The following ZNF483 variants were observed in gnomAD, a reference collection of about 807,000 sequenced individuals.
ZNF483 encodes zinc finger protein HIT-10.
Under a neutral mutation model 28.6 loss-of-function variants are expected in ZNF483, and 9 were observed. The ratio of observed to expected loss-of-function variants is 0.32; its 90% CI spans 0.19 to 0.55. ZNF483 has a LOEUF of 0.55. Among genes scored for constraint, ZNF483 ranks in the 20% least tolerant of loss-of-function variants. The pLI is 0.93. For missense variants in ZNF483, 675 were observed against 871.7 expected, an observed-to-expected ratio of 0.77 and a Z score of 2.84; for synonymous variants, 322 against 306.2, an observed-to-expected ratio of 1.05 and a Z score of -0.54.
intron 5 of ZNF483, among the ~76,000 whole-genome samples, chr9:111,540,397 T>C (rs910917531): frequency 1.3e-5 from 2 of 152,216 alleles, no homozygotes; most frequent in African/African-American, 4.8e-5. Flanking sequence ...TGTGACCTCA[T>C]GGTAAAAAGC....
At position 111,547,134 on chromosome 9, in the gene ZNF483, A is replaced by G. The variant is rs1186104518; in HGVS notation, c.*3964A>G. ...TGCACCATTTTGGCTATCAAGAATA[A>G]CATTGCTATAATCAGTGGTGCTTTC... On this transcript the variant is annotated 3_prime_UTR_variant, in exon 6 of 6. Transcript: ENST00000309235. Among the ~76,000 whole-genome samples the G allele has an allele frequency of 6.6e-6, 1 of 152,168 alleles. No homozygotes were observed. Among genetic ancestry groups the G allele is most frequent in the Non-Finnish European group, 1.5e-5 (1 of 67,998 alleles).
chr9:111,533,763 GC>G lies in ZNF483; in HGVS notation c.527del (p.Ala176ValfsTer2), dbSNP rs758393971. 6.3e-7 allele frequency: 1 copy of G among 1,586,826 alleles called. No individual in the cohort carries two copies. The highest frequency in any genetic ancestry group is 8.5e-7 in the Non-Finnish European group (1 of 1,172,292). On this transcript the variant is annotated frameshift_variant, in exon 4 of 6. Coordinates refer to ENST00000309235, the MANE Select transcript of ZNF483 (RefSeq NM_133464.5). LOFTEE classifies it high-confidence loss of function. The part of the protein sequence containing the change: ...SCESITLKDV[A>X]VNFSRGEWKK... ...GGAATCTATAACATTGAAGGATGTA[GC>G]TGTGAACTTTTCAAGAGGAGAGTGG...
intron 5 of ZNF483, among the ~76,000 whole-genome samples, chr9:111,541,398 T>TA (rs1334489775): frequency 1.4e-5 from 2 of 148,146 alleles, no homozygotes; most frequent in Non-Finnish European, 3.0e-5. Context: ...CTAAACCTCT[T>TA]AAAAAAATTC....
chr9:111,543,765 CTTT>C lies in ZNF483; in HGVS notation c.*603_*605del, dbSNP rs143231263. 4 of 752,074 alleles carry C rather than the reference CTTT, an allele frequency of 5.3e-6. No homozygotes were observed. In the South Asian group the frequency reaches 2.0e-4, roughly 38 times the overall value. 46.6% of individuals were successfully genotyped at this position (752,074 alleles called of 1,614,324 possible). On this transcript the variant is annotated 3_prime_UTR_variant, in exon 6 of 6. Coordinates refer to ENST00000309235, the MANE Select transcript of ZNF483 (RefSeq NM_133464.5). ...CTATTCAGGATGCTGGACTTCTTTT[CTTT>C]TTTTTTTCTTTTTTTTTTTTCAATT...
At position 111,544,232 on chromosome 9, in the gene ZNF483, A is replaced by C; in HGVS notation, c.*1062A>C. ...TCTGGATGGATTTTGGTTTGCAAAA[A>C]TTCTACTTTAAAACAATTTTGCCTG... On this transcript the variant is annotated 3_prime_UTR_variant, in exon 6 of 6. Transcript: ENST00000309235. 1 of 985,414 alleles carries C rather than the reference A, an allele frequency of 1.0e-6. No individual in the cohort carries two copies. Among genetic ancestry groups the C allele is most frequent in the Non-Finnish European group, 1.2e-6 (1 of 829,948 alleles). 61.0% of individuals were successfully genotyped at this position (985,414 alleles called of 1,614,324 possible). A position where few individuals can be genotyped will look rare whatever the true frequency, so the allele number is the denominator to read the frequency against.
At chr9:111,528,499 G>T (rs1303293131) in intron 2 of ZNF483, among the ~76,000 whole-genome samples, 1 of 152,122 alleles carries the variant, frequency 6.6e-6, no homozygotes, top group Non-Finnish European at 1.5e-5. Context: ...GTCTTCTAGG[G>T]TGAGTAGTCC....
At position 111,547,954 on chromosome 9, in the gene ZNF483, C is replaced by T. The variant is rs143770610; in HGVS notation, c.*4784C>T. Among the ~76,000 whole-genome samples the T allele has an allele frequency of 2.0e-5, 3 of 152,270 alleles. No individual in the cohort carries two copies. Among genetic ancestry groups the T allele is most frequent in the African/African-American group, 7.2e-5 (3 of 41,556 alleles). On this transcript the variant is annotated 3_prime_UTR_variant, in exon 6 of 6. Coordinates refer to ENST00000309235, the MANE Select transcript of ZNF483 (RefSeq NM_133464.5). The stretch of plus-strand genomic sequence containing the variant: ...TGACCATATACATGCATGTTTATTT[C>T]TGGCTGTCTGCTCTGTTTCTTTGGT...
At chr9:111,531,039 A>G in intron 3 of ZNF483, 76 bp downstream of exon 3, 1 of 667,790 alleles carries the variant, frequency 1.5e-6, no homozygotes. Flanking sequence ...AAAGATATAA[A>G]AATAAAAGGC....
At chr9:111,536,707 C>A (rs951625583) in intron 5 of ZNF483, among the ~76,000 whole-genome samples, 18 of 148,204 alleles carry the variant, frequency 1.2e-4, no homozygotes, top group South Asian at 4.4e-4. Flanking sequence ...CTGACCGCAC[C>A]CCCCCCGCCC....
downstream of ZNF483, among the ~76,000 whole-genome samples, chr9:111,558,720 A>T (rs2132301843): frequency 6.6e-6 from 1 of 152,236 alleles, no homozygotes; most frequent in South Asian, 2.1e-4. Flanking sequence ...ACACTCATTT[A>T]TATGTGTGTC....
chr9:111,567,302 C>T (rs1828606984), intron 5 of ZNF483, among the ~76,000 whole-genome samples: 2 of 152,152 alleles, frequency 1.3e-5, no homozygotes, highest in Non-Finnish European at 2.9e-5. Context: ...ATTCTCCTGC[C>T]TCAGCCTCCC....
In ZNF483 at chr9:111,552,376, G is replaced by C. The variant is rs1348247701; in HGVS notation, c.*9206G>C. 6.6e-6 allele frequency among the ~76,000 whole-genome samples: 1 copy of C among 151,976 alleles called. No homozygotes were observed. Among genetic ancestry groups the C allele is most frequent in the Non-Finnish European group, 1.5e-5 (1 of 67,994 alleles). On this transcript the variant is annotated 3_prime_UTR_variant, in exon 6 of 6. Coordinates refer to ENST00000309235, the MANE Select transcript of ZNF483 (RefSeq NM_133464.5). The stretch of plus-strand genomic sequence containing the variant: ...ATTATAACACATGTATCCGTGACTC[G>C]TTTCTTGGAGTCTGCTTCAGAAAAT...
At chr9:111,539,075 TG>T (rs1443161103) in intron 5 of ZNF483, among the ~76,000 whole-genome samples, 1 of 125,698 alleles carries the variant, frequency 8.0e-6, no homozygotes, top group African/African-American at 3.1e-5. Flanking sequence ...ATCACGCTAC[TG>T]CACTCCAGCC....
Position 111,554,752 on chromosome 9 carries a change from T to G in ZNF483, c.*11582T>G, listed in dbSNP as rs988866907. ...TATTTCTGGAATTTTCTATTTAAAA[T>G]TTTGGGGCCAAGATTGAGGGTAACT... is the stretch of plus-strand genomic sequence containing the variant. On this transcript the variant is annotated 3_prime_UTR_variant, in exon 6 of 6. Coordinates refer to ENST00000309235, the MANE Select transcript of ZNF483 (RefSeq NM_133464.5). 6.6e-6 allele frequency among the ~76,000 whole-genome samples: 1 copy of G among 152,180 alleles called. No homozygotes were observed. The highest frequency in any genetic ancestry group is 1.5e-5 in the Non-Finnish European group (1 of 68,032).
chr9:111,568,165 A>G (rs967299270), intron 5 of ZNF483, among the ~76,000 whole-genome samples: 3 of 152,230 alleles, frequency 2.0e-5, no homozygotes, highest in Non-Finnish European at 4.4e-5. Flanking sequence ...AAACACAGCC[A>G]TATTTTTCTT....
chr9:111,548,477 T>G lies in ZNF483; in HGVS notation c.*5307T>G, dbSNP rs80022462. Among the ~76,000 whole-genome samples the G allele has an allele frequency of 2.1e-3, 327 of 152,346 alleles. No individual in the cohort carries two copies. Among genetic ancestry groups the G allele is most frequent in the African/African-American group, 7.5e-3 (312 of 41,582 alleles). ...TTGATTTTGTATCTTGCAACTTTGCTGAATTTGTTTATTAGTCATAATAGT... is the reference window on the plus strand; with the variant it reads ...TTGATTTTGTATCTTGCAACTTTGCGGAATTTGTTTATTAGTCATAATAGT... On this transcript the variant is annotated 3_prime_UTR_variant, in exon 6 of 6. Transcript: ENST00000309235.
intron 5 of ZNF483, among the ~76,000 whole-genome samples, chr9:111,561,144 AGAGG>A (rs1828299015): frequency 9.7e-5 from 5 of 51,434 alleles, no homozygotes; most frequent in Non-Finnish European, 1.4e-4. Context: ...GAGAGGAGAG[AGAGG>A]GAGAGAGAGA....
chr9:111,536,702 C>T (rs537949434), intron 5 of ZNF483, among the ~76,000 whole-genome samples: 2 of 151,598 alleles, frequency 1.3e-5, no homozygotes, highest in Admixed American at 6.6e-5. Context: ...GGCCACTGAC[C>T]GCACCCCCCC....
In ZNF483 at chr9:111,527,842, C is replaced by G. The variant is rs73533582; in HGVS notation, c.412+35C>G. ...ATAGATGGAGGGAGGAAGCGGGAGACATTGCCTCAAAGTCCGAAAGTAAAT... is the reference window on the plus strand; with the variant it reads ...ATAGATGGAGGGAGGAAGCGGGAGAGATTGCCTCAAAGTCCGAAAGTAAAT... On this transcript the variant is annotated intron_variant, in intron 2 of 5. Transcript: ENST00000309235. 1,177 of 1,614,124 alleles carry G rather than the reference C, an allele frequency of 7.3e-4. 4 individuals carry two copies. In the African/African-American group the frequency reaches 0.012, roughly 16 times the overall value.
Sources: gnomAD v4.1 joint callset for allele counts (sites outside exome capture counted in the v4.1 genomes callset) on GRCh38, gnomAD v4.1.1 for gene constraint, MANE v1.5 for transcripts, NCBI Gene and HGNC (gene_info 2026-07-23, HGNC 2026-07-21) for gene names.